CYTH1: variants seen among roughly 807,000 people sequenced by gnomAD.
CYTH1 encodes cytohesin-1.
CYTH1 carries 18 observed loss-of-function variants against 61.8 expected under a neutral mutation model. The observed-to-expected ratio is 0.29, with a 90% confidence interval of 0.20 to 0.43. CYTH1 has a LOEUF of 0.43. CYTH1 is among the 20% of genes least tolerant of loss of function. The probability of loss-of-function intolerance (pLI) is 1.00; values close to 1 mark genes in which losing one functional copy is unlikely to be tolerated. For missense variants in CYTH1, 336 were observed against 510.5 expected (o/e 0.66, Z 3.29); for synonymous variants, 174 against 184.3 (o/e 0.94, Z 0.45).
intron 1 of CYTH1, among the ~76,000 whole-genome samples, chr17:78,730,254 G>A (rs111567264): frequency 0.025 from 3,846 of 151,724 alleles, 160 homozygotes; most frequent in African/African-American, 0.087. Flanking sequence ...GGCCGGGCGC[G>A]GTGTCTCACG....
chr17:78,694,759 AAGG>A (rs2092922126), intron 10 of CYTH1, among the ~76,000 whole-genome samples: 1 of 152,224 alleles, frequency 6.6e-6, no homozygotes, highest in Admixed American at 6.5e-5. Flanking sequence ...GAAAGAAATC[AAGG>A]AGAAAAAGCA....
Position 78,782,255 on chromosome 17 carries a change from G to T in CYTH1, c.-32C>A. The stretch of plus-strand genomic sequence containing the variant: ...GGAGCCGGGCTCCGCGCTCCGGCTC[G>T]CCGCTCGCGTCCCGCCGCGCCACCC... On this transcript the variant is annotated 5_prime_UTR_variant, in exon 1 of 14. Coordinates refer to ENST00000446868, the MANE Select transcript of CYTH1 (RefSeq NM_004762.6). The T allele has an allele frequency of 1.6e-5, 20 of 1,261,290 alleles. No individual in the cohort carries two copies. Among genetic ancestry groups the T allele is most frequent in the Non-Finnish European group, 1.8e-5 (18 of 989,378 alleles). The allele number at this position is 1,261,290 out of a possible 1,614,324, so 78.1% of individuals were successfully genotyped here. A position where few individuals can be genotyped will look rare whatever the true frequency, so the allele number is the denominator to read the frequency against.
chr17:78,703,046 A>C (rs895382038), intron 3 of CYTH1, among the ~76,000 whole-genome samples: 1 of 151,876 alleles, frequency 6.6e-6, no homozygotes, highest in Non-Finnish European at 1.5e-5. Context: ...TCAGCCTCCC[A>C]AAGTGCTGGG....
chr17:78,748,737 G>A (rs1367645527), intron 1 of CYTH1, among the ~76,000 whole-genome samples: 1 of 152,164 alleles, frequency 6.6e-6, no homozygotes, highest in Non-Finnish European at 1.5e-5. Flanking sequence ...GTGGGCGGGA[G>A]GAGTGTGCTT....
intron 3 of CYTH1, among the ~76,000 whole-genome samples, chr17:78,703,991 T>C (rs999917229): frequency 6.6e-6 from 1 of 152,216 alleles, no homozygotes; most frequent in Admixed American, 6.5e-5. Flanking sequence ...GTATTTAACT[T>C]TTTAAGAAGT....
chr17:78,680,975 T>A lies in CYTH1; in HGVS notation c.959A>T (p.Lys320Ile). Reference protein sequence around the residue: ...LSIREVEDSKKPNCFELYIPD... With the variant: ...LSIREVEDSKIPNCFELYIPD... ...TATCTCAGCAAAAATACTCACTGGT[T>A]TTTTGGAGTCCTCCACTTCCCGGAT... Residue 320 changes from lysine to isoleucine, a missense_variant, in exon 12 of 14, where the codon AAA becomes ATA. Lys to Ile is a moderately radical substitution (Grantham distance 102). Coordinates refer to ENST00000446868, the MANE Select transcript of CYTH1 (RefSeq NM_004762.6). The A allele has an allele frequency of 6.2e-7, 1 of 1,614,118 alleles. No homozygotes were observed. The highest frequency in any genetic ancestry group is 8.5e-7 in the Non-Finnish European group (1 of 1,179,990).
intron 9 of CYTH1, 110 bp downstream of exon 9, chr17:78,698,159 A>ACG: frequency 2.3e-6 from 2 of 887,208 alleles, no homozygotes; most frequent in Non-Finnish European, 3.7e-6. Context: ...GCACACATGC[A>ACG]CACGCACAAA....
chr17:78,751,643 G>C (rs2093380818), intron 1 of CYTH1, among the ~76,000 whole-genome samples: 1 of 152,130 alleles, frequency 6.6e-6, no homozygotes, highest in Admixed American at 6.5e-5. Flanking sequence ...ACCACGAAAG[G>C]ACTACCTTTG....
chr17:78,694,002 T>A (rs1567834660), intron 10 of CYTH1, among the ~76,000 whole-genome samples: 3 of 152,218 alleles, frequency 2.0e-5, no homozygotes, highest in Non-Finnish European at 2.9e-5. Context: ...CTTGCCCTCA[T>A]CACAAATAGC....
At position 78,709,721 on chromosome 17, in the gene CYTH1, G is replaced by A; in HGVS notation, c.34C>T (p.Leu12=). ...AGTTCTTGACGCTCCTCTGCTGTCA[G>A]GTCACTGGGAACTACAAAAATGGAG... ...EEDDSYVPSD[L]TAEERQELEN... The change falls in exon 2 of 14, where the codon CTG becomes TTG. Residue 12 remains leucine (L), a synonymous_variant. Coordinates refer to ENST00000446868, the MANE Select transcript of CYTH1 (RefSeq NM_004762.6). The A allele has an allele frequency of 2.5e-6, 4 of 1,614,046 alleles. No individual in the cohort carries two copies. The highest frequency in any genetic ancestry group is 2.2e-5 in the East Asian group (1 of 44,876).
chr17:78,749,750 C>T (rs2093372607), intron 1 of CYTH1, among the ~76,000 whole-genome samples: 1 of 151,954 alleles, frequency 6.6e-6, no homozygotes, highest in Non-Finnish European at 1.5e-5. Context: ...AAAAAAAGAA[C>T]TCTAAAACAA....
intron 1 of CYTH1, among the ~76,000 whole-genome samples, chr17:78,759,230 C>CA (rs1337999683): frequency 6.6e-6 from 1 of 152,214 alleles, no homozygotes; most frequent in African/African-American, 2.4e-5. Flanking sequence ...GACTATATGG[C>CA]AACTGCCCCG....
chr17:78,691,055 G>A (rs1385054851), intron 11 of CYTH1, among the ~76,000 whole-genome samples: 1 of 152,236 alleles, frequency 6.6e-6, no homozygotes, highest in Non-Finnish European at 1.5e-5. Flanking sequence ...TGGGGGTGAA[G>A]CAGAAAGCAG....
chr17:78,772,438 T>G (rs1186539441), intron 1 of CYTH1, among the ~76,000 whole-genome samples: 1 of 151,880 alleles, frequency 6.6e-6, no homozygotes, highest in South Asian at 2.1e-4. Flanking sequence ...GAAGAAAAAA[T>G]CTGTTTGACA....
chr17:78,709,612 G>T (rs772154515), intron 2 of CYTH1, 38 bp downstream of exon 2: 3 of 1,607,426 alleles, frequency 1.9e-6, no homozygotes, highest in Non-Finnish European at 1.7e-6. Flanking sequence ...TGTCACTGTG[G>T]TTCTTACGTT....
At chr17:78,702,376 G>T in intron 4 of CYTH1, 136 bp from the exon 5 acceptor site, 1 of 993,780 alleles carries the variant, frequency 1.0e-6, no homozygotes, top group East Asian at 2.4e-5. Context: ...CTATAAAGCC[G>T]GGGAGTCACA....
chr17:78,745,579 A>G (rs1218589681), intron 1 of CYTH1, among the ~76,000 whole-genome samples: 2 of 152,212 alleles, frequency 1.3e-5, no homozygotes, highest in Non-Finnish European at 2.9e-5. Context: ...TAAAAGATTG[A>G]CATAGAAATT....
At chr17:78,742,536 T>C (rs1203034383) in intron 1 of CYTH1, among the ~76,000 whole-genome samples, 3 of 152,168 alleles carry the variant, frequency 2.0e-5, no homozygotes, top group African/African-American at 7.2e-5. Context: ...CACTCCAGCC[T>C]AGGCAAGAGT....
At chr17:78,703,749 G>A (rs554676260) in intron 3 of CYTH1, among the ~76,000 whole-genome samples, 1 of 152,330 alleles carries the variant, frequency 6.6e-6, no homozygotes, top group South Asian at 2.1e-4. Context: ...TGGTGCTGGA[G>A]CGTGGGCCAG....
Sources: allele counts gnomAD v4.1 joint callset (sites outside exome capture counted in the v4.1 genomes callset), GRCh38; gene constraint gnomAD v4.1.1; transcripts MANE v1.5; gene names NCBI Gene and HGNC (gene_info 2026-07-23, HGNC 2026-07-21).